PPP4R1: variants seen among roughly 807,000 people sequenced by gnomAD.
The protein encoded by PPP4R1 is serine/threonine-protein phosphatase 4 regulatory subunit 1.
In PPP4R1, 42 loss-of-function variants were observed where a neutral mutation model predicts 111.2. The observed-to-expected ratio is 0.38, with a 90% confidence interval of 0.29 to 0.49. The LOEUF is 0.49. Among genes scored for constraint, PPP4R1 ranks in the 20% least tolerant of loss-of-function variants. PPP4R1 has a pLI of 0.97. For synonymous variants in PPP4R1, 409 were observed against 405.5 expected (o/e 1.01, Z -0.10); for missense variants, 1,012 against 1,161.6 (o/e 0.87, Z 1.87).
intron 10 of PPP4R1, among the ~76,000 whole-genome samples, chr18:9,574,355 T>C (rs189547327): frequency 2.6e-4 from 39 of 152,340 alleles, no homozygotes; most frequent in African/African-American, 8.4e-4. Flanking sequence ...AAATGACTTG[T>C]AGAACATCTG....
chr18:9,554,506 A>T (rs1259049550), intron 15 of PPP4R1, among the ~76,000 whole-genome samples: 1 of 152,158 alleles, frequency 6.6e-6, no homozygotes, highest in Non-Finnish European at 1.5e-5. Context: ...ATATAAAGTG[A>T]AGAGAGAAAA....
chr18:9,560,555 A>T (rs750366606), intron 13 of PPP4R1, among the ~76,000 whole-genome samples: 2 of 152,222 alleles, frequency 1.3e-5, no homozygotes, highest in Admixed American at 6.5e-5. Flanking sequence ...TTTGAGCTAC[A>T]TAAACGAATT....
intron 13 of PPP4R1, among the ~76,000 whole-genome samples, chr18:9,561,532 C>G (rs761750717): frequency 6.6e-6 from 1 of 152,282 alleles, no homozygotes; most frequent in Non-Finnish European, 1.5e-5. Flanking sequence ...TCCGTGAGCA[C>G]AGTTTCCCTG....
chr18:9,564,546 T>C (rs766309702), intron 11 of PPP4R1, among the ~76,000 whole-genome samples: 2 of 152,220 alleles, frequency 1.3e-5, no homozygotes, highest in Non-Finnish European at 2.9e-5. Flanking sequence ...ATTTTCATTA[T>C]CTTCAGAATT....
At chr18:9,548,662 A>G (rs1353088232) in intron 19 of PPP4R1, among the ~76,000 whole-genome samples, 1 of 152,200 alleles carries the variant, frequency 6.6e-6, no homozygotes, top group Non-Finnish European at 1.5e-5. Context: ...CATGCCTGTA[A>G]TCCCAGCACT....
At chr18:9,587,994 G>C in intron 6 of PPP4R1, 95 bp downstream of exon 6, 1 of 1,458,430 alleles carries the variant, frequency 6.9e-7, no homozygotes, top group Non-Finnish European at 9.3e-7. Flanking sequence ...TGGAATTACA[G>C]GCATGAGCCA....
At position 9,570,427 on chromosome 18, in the gene PPP4R1, G is replaced by A. The variant is rs1435645105; in HGVS notation, c.1303C>T (p.Arg435Ter). The A allele has an allele frequency of 1.9e-6, 3 of 1,614,142 alleles. No individual in the cohort carries two copies. The highest frequency in any genetic ancestry group is 2.5e-6 in the Non-Finnish European group (3 of 1,180,006). Residue 435 changes from arginine to a stop codon, truncating the protein, a stop_gained, in exon 11 of 20, where the codon CGA becomes TGA. Transcript: ENST00000400556. LOFTEE classifies it high-confidence loss of function. Reference protein sequence around the residue: ...KKPGNYKSMLRPEVGTTSQDS... With the variant: ...KKPGNYKSML ...TGTGAAGTGGTGCCAACCTCTGGTC[G>A]TAACATAGATTTGTAGTTACCAGGT...
At chr18:9,566,960 C>T (rs1013892086) in intron 11 of PPP4R1, among the ~76,000 whole-genome samples, 11 of 152,150 alleles carry the variant, frequency 7.2e-5, no homozygotes, top group African/African-American at 2.7e-4. Flanking sequence ...TGTTTTCATA[C>T]CTGCTAACAC....
At chr18:9,587,937 C>G in intron 6 of PPP4R1, 152 bp downstream of exon 6, 2 of 928,124 alleles carry the variant, frequency 2.2e-6, no homozygotes, top group Non-Finnish European at 3.1e-6. Context: ...GGCTGGTCTC[C>G]AACTCCTGAC....
chr18:9,588,141 A>G lies in PPP4R1; in HGVS notation c.533T>C (p.Ile178Thr). 2 of 1,614,200 alleles carry G rather than the reference A, an allele frequency of 1.2e-6. No individual in the cohort carries two copies. The highest frequency in any genetic ancestry group is 1.7e-6 in the Non-Finnish European group (2 of 1,180,034). ...ATTGCTATCTGGGGCTGTCAGCTCTATGAGGACAGGGCACACTTTGGTCTC... is the reference window on the plus strand; with the variant it reads ...ATTGCTATCTGGGGCTGTCAGCTCTGTGAGGACAGGGCACACTTTGGTCTC... ...DVETKVCPVL[I>T]ELTAPDSNDD... is the part of the protein sequence containing the mutation. Residue 178 changes from isoleucine (I) to threonine (T), a missense_variant, in exon 6 of 20, where the codon ATA becomes ACA. Around this residue, in one of 2 missense-constraint regions of PPP4R1, gnomAD observed 707 missense variants for 742.1 expected, o/e 0.95. Transcript: ENST00000400556.
rs1365042149 is a variant in PPP4R1, at chr18:9,595,103, C to A, written c.103G>T (p.Ala35Ser). 1.2e-6 allele frequency: 2 copies of A among 1,613,918 alleles called. No homozygotes were observed. Among genetic ancestry groups the A allele is most frequent in the Admixed American group, 1.7e-5 (1 of 60,002 alleles). The change falls in exon 3 of 20, where the codon GCC (alanine) becomes TCC (serine). Residue 35 changes from alanine to serine, a missense_variant. Ala to Ser is a moderately conservative substitution (Grantham distance 99, BLOSUM62 1). Transcript: ENST00000400556. The stretch of plus-strand genomic sequence containing the variant: ...TCATCTTGTGAGACAAAGTCCAGGG[C>A]TGAAGGTATAATAATCACATCAGAC... ...SESDVIIIPS[A>S]LDFVSQDEML...
At position 9,550,354 on chromosome 18, in the gene PPP4R1, T is replaced by C; in HGVS notation, c.2336A>G (p.Tyr779Cys). Residue 779 changes from tyrosine to cysteine, a missense_variant, in exon 17 of 20, where the codon TAT becomes TGT. By Grantham distance (194) the Tyr-to-Cys change is radical. Transcript: ENST00000400556. The part of the protein sequence containing the change: ...LLELYSPRDV[Y>C]DYLRPIALNL... ...CAGAGCAATGGGACGTAAATAGTCA[T>C]AAACATCTCTGGGACTATATAACTC... 6.2e-7 allele frequency: 1 copy of C among 1,607,878 alleles called. No homozygotes were observed. Among genetic ancestry groups the C allele is most frequent in the Non-Finnish European group, 8.5e-7 (1 of 1,174,320 alleles).
chr18:9,609,152 A>G (rs1478754719), intron 2 of PPP4R1, among the ~76,000 whole-genome samples: 1 of 152,154 alleles, frequency 6.6e-6, no homozygotes, highest in African/African-American at 2.4e-5. Flanking sequence ...ACCATTTTAA[A>G]AGCACTCTTT....
rs2066416299 is a variant in PPP4R1, at chr18:9,547,332, G to C, written c.*457C>G. On this transcript the variant is annotated 3_prime_UTR_variant, in exon 20 of 20. Coordinates refer to ENST00000400556, the MANE Select transcript of PPP4R1 (RefSeq NM_001042388.3). ...CCACAGAGCCCAGCAAGTCCTTCCT[G>C]GGAGAGAAGAGTTAGGGCTGATACT... 2 of 158,740 alleles carry C rather than the reference G, an allele frequency of 1.3e-5. No individual in the cohort carries two copies. The highest frequency in any genetic ancestry group is 1.2e-4 in the Admixed American group (2 of 16,452). The allele number at this position is 158,740 out of a possible 1,614,324, so 9.8% of individuals were successfully genotyped here. A position where few individuals can be genotyped will look rare whatever the true frequency, so the allele number is the denominator to read the frequency against.
intron 2 of PPP4R1, among the ~76,000 whole-genome samples, chr18:9,603,362 T>C (rs2067424228): frequency 6.6e-6 from 1 of 152,102 alleles, no homozygotes; most frequent in Non-Finnish European, 1.5e-5. Flanking sequence ...TTCCCATCCA[T>C]TTCATTAAGA....
intron 10 of PPP4R1, among the ~76,000 whole-genome samples, chr18:9,575,233 A>G (rs1339370458): frequency 6.6e-6 from 1 of 152,232 alleles, no homozygotes; most frequent in Admixed American, 6.5e-5. Context: ...TGAGGACAGG[A>G]ACGAAGTTCT....
chr18:9,614,244 G>A lies in PPP4R1; in HGVS notation c.34C>T (p.Gln12Ter). The change falls in exon 2 of 20, where the codon CAG (glutamine) becomes TAG (stop). Residue 12 changes from glutamine (Q) to a stop codon, truncating the protein, a stop_gained. Coordinates refer to ENST00000400556, the MANE Select transcript of PPP4R1 (RefSeq NM_001042388.3). LOFTEE classifies it high-confidence loss of function. The surrounding 1 kb of genome is among the most constrained non-coding windows in gnomAD (Gnocchi z 4.1). Reference protein sequence around the residue: ...ADLSLLQEDLQEDADGFGVDD... With the variant: ...ADLSLLQEDL The stretch of plus-strand genomic sequence containing the variant: ...CACTCACATCCGTCTGCGTCCTCCT[G>A]CAGGTCCTCCTGAAGCAGCGAGAGG... The A allele has an allele frequency of 7.4e-7, 1 of 1,360,400 alleles. No homozygotes were observed. The highest frequency in any genetic ancestry group is 3.4e-5 in the East Asian group (1 of 29,462). The allele number at this position is 1,360,400 out of a possible 1,614,324, so 84.3% of individuals were successfully genotyped here.
At chr18:9,566,429 T>C (rs954538882) in intron 11 of PPP4R1, among the ~76,000 whole-genome samples, 19 of 151,414 alleles carry the variant, frequency 1.3e-4, no homozygotes, top group African/African-American at 4.6e-4. Flanking sequence ...GTGGGTGGAT[T>C]ACCTGAGGTG....
At chr18:9,557,598 T>C (rs2066608050) in intron 14 of PPP4R1, among the ~76,000 whole-genome samples, 1 of 152,166 alleles carries the variant, frequency 6.6e-6, no homozygotes, top group African/African-American at 2.4e-5. Context: ...CTTCCTTTCA[T>C]TTATGAGGAG....
Sources: gnomAD v4.1 joint callset for allele counts (sites outside exome capture counted in the v4.1 genomes callset) on GRCh38, gnomAD v4.1.1 for gene constraint, gnomAD v4.1.1 regional missense constraint, Gnocchi (gnomAD v3.1) non-coding constraint, MANE v1.5 for transcripts, NCBI Gene and HGNC (gene_info 2026-07-23, HGNC 2026-07-21) for gene names.